SBK3: variants seen among roughly 807,000 people sequenced by gnomAD.
The protein encoded by SBK3 is SH3 domain binding kinase family member 3.
In SBK3, 16 loss-of-function variants were observed where a neutral mutation model predicts 12.7. The ratio of observed to expected loss-of-function variants is 1.26; its 90% CI spans 0.86 to 1.92. SBK3 has a LOEUF of 1.92. Among genes scored for constraint, SBK3 ranks in the 40% most tolerant of loss-of-function variants. The probability of loss-of-function intolerance (pLI) is 0.00; values close to 1 mark genes in which losing one functional copy is unlikely to be tolerated. For missense variants in SBK3, 462 were observed against 481.8 expected, an observed-to-expected ratio of 0.96 and a Z score of 0.38; for synonymous variants, 217 against 213.6, an observed-to-expected ratio of 1.02 and a Z score of -0.14.
rs1988646927 is a variant in SBK3, at chr19:55,545,128, C to G, written c.46-179G>C. 10 of 600,134 alleles carry G rather than the reference C, an allele frequency of 1.7e-5. No homozygotes were observed. The highest frequency in any genetic ancestry group is 2.9e-5 in the Non-Finnish European group (10 of 342,974). 37.2% of individuals were successfully genotyped at this position (600,134 alleles called of 1,614,324 possible). A position where few individuals can be genotyped will look rare whatever the true frequency, so the allele number is the denominator to read the frequency against. ...GGACTCGGGCCACCTGTTTTTGTGT[C>G]CTGGAGAGGTTAGGGGTCACTGCCA... On this transcript the variant is annotated intron_variant, in intron 1 of 3. Coordinates refer to ENST00000612221, the MANE Select transcript of SBK3 (RefSeq NM_001199824.2). The surrounding 1 kb of genome is among the most constrained non-coding windows in gnomAD (Gnocchi z 4.4).
At position 55,545,415 on chromosome 19, in the gene SBK3, C is replaced by T; in HGVS notation, c.45+84G>A. 9.2e-7 allele frequency: 1 copy of T among 1,088,012 alleles called. No homozygotes were observed. Among genetic ancestry groups the T allele is most frequent in the Middle Eastern group, 2.0e-4 (1 of 4,978 alleles). 67.4% of individuals were successfully genotyped at this position (1,088,012 alleles called of 1,614,324 possible). On this transcript the variant is annotated intron_variant, in intron 1 of 3. Transcript: ENST00000612221. The surrounding 1 kb of genome is among the most constrained non-coding windows in gnomAD (Gnocchi z 4.4). ...TTGCGTTTCCCTGTTTTCTGTTTCT[C>T]TTCCTCTCTCTCCCCGTGTTGCCTC... is the stretch of plus-strand genomic sequence containing the variant.
Position 55,544,866 on chromosome 19 carries a change from G to T in SBK3, c.129C>A (p.Tyr43Ter). The part of the protein sequence containing the change: ...VTPVRSLRDQ[Y>*]HLIRKLGSGS... The stretch of plus-strand genomic sequence containing the variant: ...CGGAGCCCAGCTTCCGGATGAGGTG[G>T]TACTGGTCCCGAAGGCTCCTCACCG... The change falls in exon 2 of 4, where the codon TAC becomes TAA. Residue 43 changes from tyrosine to a stop codon, truncating the protein, a stop_gained. Coordinates refer to ENST00000612221, the MANE Select transcript of SBK3 (RefSeq NM_001199824.2). LOFTEE classifies it high-confidence loss of function. 6.5e-7 allele frequency: 1 copy of T among 1,534,302 alleles called. No individual in the cohort carries two copies. The highest frequency in any genetic ancestry group is 1.4e-5 in the African/African-American group (1 of 73,086).
At chr19:55,543,007 CCCGT>C (rs1330459526) in intron 3 of SBK3, among the ~76,000 whole-genome samples, 1 of 118,398 alleles carries the variant, frequency 8.4e-6, no homozygotes, top group Non-Finnish European at 1.8e-5. Flanking sequence ...CACCCACCCA[CCCGT>C]CCACTCAACC....
In SBK3 at chr19:55,544,896, C is replaced by T. The variant is rs936909764; in HGVS notation, c.99G>A (p.Val33=). ...QRLVELTTSR[V]TPVRSLRDQY... is the part of the protein sequence containing the mutation. ...GGTCCCGAAGGCTCCTCACCGGGGT[C>T]ACCCTGCTGGTCGTCAGCTCCACCA... is the stretch of plus-strand genomic sequence containing the variant. The change falls in exon 2 of 4, where the codon GTG becomes GTA. Residue 33 remains valine, a synonymous_variant. Transcript: ENST00000612221. 4.6e-6 allele frequency: 7 copies of T among 1,534,342 alleles called. No homozygotes were observed. The highest frequency in any genetic ancestry group is 2.7e-5 in the African/African-American group (2 of 72,950).
chr19:55,544,743 C>T (rs1399559621), intron 2 of SBK3, 56 bp downstream of exon 2: 22 of 1,435,926 alleles, frequency 1.5e-5, no homozygotes, highest in South Asian at 8.6e-5. Flanking sequence ...GGGTGGCTTC[C>T]GAGAATGCTT....
chr19:55,544,331 T>C, intron 2 of SBK3, 29 bp from the exon 3 acceptor site: 1 of 1,516,028 alleles, frequency 6.6e-7, no homozygotes, highest in Non-Finnish European at 8.8e-7. Context: ...GGAGGGACAC[T>C]CAGGCGGCTC....
Position 55,544,168 on chromosome 19 carries a change from G to C in SBK3, c.331C>G (p.Pro111Ala). 1 of 1,535,588 alleles carries C rather than the reference G, an allele frequency of 6.5e-7. No homozygotes were observed. Among genetic ancestry groups the C allele is most frequent in the Non-Finnish European group, 8.7e-7 (1 of 1,146,676 alleles). Residue 111 changes from proline to alanine, a missense_variant, in exon 3 of 4, where the codon CCC (proline) becomes GCC (alanine). Physicochemically the swap from Pro to Ala is conservative, Grantham distance 27. Coordinates refer to ENST00000612221, the MANE Select transcript of SBK3 (RefSeq NM_001199824.2). ...TCCTGGGCGAAGGCAAAATAGCGGGGGGTCTGTAGGGGTCCTGCCAGGGTC... is the reference window on the plus strand; with the variant it reads ...TCCTGGGCGAAGGCAAAATAGCGGGCGGTCTGTAGGGGTCCTGCCAGGGTC... ...LQTLAGPLQT[P>A]RYFAFAQEYA... is the part of the protein sequence containing the mutation.
At position 55,541,506 on chromosome 19, in the gene SBK3, C is replaced by T; in HGVS notation, c.420G>A (p.Val140=). The T allele has an allele frequency of 6.6e-7, 1 of 1,521,008 alleles. No individual in the cohort carries two copies. Among genetic ancestry groups the T allele is most frequent in the Non-Finnish European group, 8.8e-7 (1 of 1,136,632 alleles). The allele number at this position is 1,521,008 out of a possible 1,614,324, so 94.2% of individuals were successfully genotyped here. The change falls in exon 4 of 4, where the codon GTG becomes GTA. Residue 140 remains valine, a synonymous_variant. Transcript: ENST00000612221. The surrounding 1 kb of genome is among the most constrained non-coding windows in gnomAD (Gnocchi z 5.3). ...LQERGLPELL[V]KRVVAQLAGA... is the part of the protein sequence containing the mutation. ...CTGCCAACTGGGCCACCACCCGCTT[C>T]ACCAGCAGTTCTGGGAGGCCCTGAG...
intron 3 of SBK3, among the ~76,000 whole-genome samples, chr19:55,542,147 C>T (rs182299798): frequency 4.9e-4 from 74 of 152,262 alleles, no homozygotes; most frequent in Middle Eastern, 3.4e-3. Context: ...ATTATCTATC[C>T]GTCTAGCCAG....
chr19:55,543,734 G>A (rs1189375806), intron 3 of SBK3, among the ~76,000 whole-genome samples: 1 of 151,798 alleles, frequency 6.6e-6, no homozygotes, highest in African/African-American at 2.4e-5. Flanking sequence ...TACTCACGAT[G>A]AATCTATAAT....
Position 55,541,675 on chromosome 19 carries a change from A to G in SBK3, c.400-149T>C. 1 of 587,820 alleles carries G rather than the reference A, an allele frequency of 1.7e-6. No individual in the cohort carries two copies. The highest frequency in any genetic ancestry group is 2.9e-6 in the Non-Finnish European group (1 of 347,402). The allele number at this position is 587,820 out of a possible 1,614,324, so 36.4% of individuals were successfully genotyped here. A position where few individuals can be genotyped will look rare whatever the true frequency, so the allele number is the denominator to read the frequency against. ...GATTATAGGCATGAGGCACTGCACC[A>G]GTTGGTTCCTTCTGAATAATTTTTG... On this transcript the variant is annotated intron_variant, in intron 3 of 3. Transcript: ENST00000612221. This position sits in a 1 kb window ranked among gnomAD's most constrained non-coding sequence, Gnocchi z 5.3.
Position 55,545,202 on chromosome 19 carries a change from G to T in SBK3, c.46-253C>A. On this transcript the variant is annotated intron_variant, in intron 1 of 3. Transcript: ENST00000612221. The surrounding 1 kb of genome is among the most constrained non-coding windows in gnomAD (Gnocchi z 4.4). Reference sequence around the variant, plus strand: ...TGTGGGAGCAGGCCAGGAGCCCCCAGCCCCGAGTGGGGGTGCATCCTCAGC... The same window carrying T: ...TGTGGGAGCAGGCCAGGAGCCCCCATCCCCGAGTGGGGGTGCATCCTCAGC... The T allele has an allele frequency of 1.7e-6, 1 of 578,950 alleles. No individual in the cohort carries two copies. Among genetic ancestry groups the T allele is most frequent in the Non-Finnish European group, 3.1e-6 (1 of 327,592 alleles). 35.9% of individuals were successfully genotyped at this position (578,950 alleles called of 1,614,324 possible).
chr19:55,541,186 G>A lies in SBK3; in HGVS notation c.740C>T (p.Ala247Val). The stretch of plus-strand genomic sequence containing the variant: ...GAAGGCCTCGAACTCAGGGTTGGGG[G>A]CCAGTGCCACGTCCCAAGGGAAACA... Reference protein sequence around the residue: ...TACFPWDVALAPNPEFEAFAG... With the variant: ...TACFPWDVALVPNPEFEAFAG... Residue 247 changes from alanine to valine, a missense_variant, in exon 4 of 4, where the codon GCC (alanine) becomes GTC (valine). Physicochemically the swap from Ala to Val is moderately conservative, Grantham distance 64. Coordinates refer to ENST00000612221, the MANE Select transcript of SBK3 (RefSeq NM_001199824.2). This position sits in a 1 kb window ranked among gnomAD's most constrained non-coding sequence, Gnocchi z 5.3. The A allele has an allele frequency of 6.5e-7, 1 of 1,536,016 alleles. No homozygotes were observed. The highest frequency in any genetic ancestry group is 8.7e-7 in the Non-Finnish European group (1 of 1,146,890).
Position 55,541,051 on chromosome 19 carries a change from T to C in SBK3, c.875A>G (p.Glu292Gly). 1 of 1,535,920 alleles carries C rather than the reference T, an allele frequency of 6.5e-7. No homozygotes were observed. The highest frequency in any genetic ancestry group is 1.2e-5 in the South Asian group (1 of 84,048). Residue 292 changes from glutamate (E) to glycine (G), a missense_variant, in exon 4 of 4, where the codon GAG (glutamate) becomes GGG (glycine). Physicochemically the swap from Glu to Gly is moderately conservative, Grantham distance 98. Coordinates refer to ENST00000612221, the MANE Select transcript of SBK3 (RefSeq NM_001199824.2). The surrounding 1 kb of genome is among the most constrained non-coding windows in gnomAD (Gnocchi z 5.3). The part of the protein sequence containing the change: ...LLQGLLDLDP[E>G]TRSPPLAVLD... Reference sequence around the variant, plus strand: ...GACAGCCAGTGGGGGGCTCCTAGTCTCGGGATCCAGGTCCAGAAGCCCCTG... The same window carrying C: ...GACAGCCAGTGGGGGGCTCCTAGTCCCGGGATCCAGGTCCAGAAGCCCCTG...
Position 55,545,238 on chromosome 19 carries a change from C to T in SBK3, c.45+261G>A. 2 of 583,338 alleles carry T rather than the reference C, an allele frequency of 3.4e-6. No homozygotes were observed. Among genetic ancestry groups the T allele is most frequent in the South Asian group, 2.1e-5 (1 of 47,334 alleles). 36.1% of individuals were successfully genotyped at this position (583,338 alleles called of 1,614,324 possible). ...GGGTGCATCCTCAGCCCACACAGTC[C>T]CCCTGCCCACCCTGGTCTCTCTCTC... is the stretch of plus-strand genomic sequence containing the variant. On this transcript the variant is annotated intron_variant, in intron 1 of 3. Transcript: ENST00000612221. This position sits in a 1 kb window ranked among gnomAD's most constrained non-coding sequence, Gnocchi z 4.4.
chr19:55,540,925 G>C lies in SBK3; in HGVS notation c.1001C>G (p.Ser334Ter), dbSNP rs1471616410. Residue 334 changes from serine to a stop codon, truncating the protein, a stop_gained, in exon 4 of 4, where the codon TCA (serine) becomes TGA (stop). Coordinates refer to ENST00000612221, the MANE Select transcript of SBK3 (RefSeq NM_001199824.2). LOFTEE classifies it low-confidence loss of function (END_TRUNC). ...CTCATCTGTCCACTCCTCCAGGCTTGAGCCTCCCTCCTCCCTGTCCTCATA... is the reference window on the plus strand; with the variant it reads ...CTCATCTGTCCACTCCTCCAGGCTTCAGCCTCCCTCCTCCCTGTCCTCATA... The part of the protein sequence containing the change: ...VSYEDREEGG[S>*]SLEEWTDEGD... 6.5e-7 allele frequency: 1 copy of C among 1,536,164 alleles called. No homozygotes were observed. Among genetic ancestry groups the C allele is most frequent in the East Asian group, 2.4e-5 (1 of 40,904 alleles).
chr19:55,540,794 C>T lies in SBK3; in HGVS notation c.*52G>A, dbSNP rs557667968. Reference sequence around the variant, plus strand: ...CTCTCCATCCAGGTGGCCCTGGGGGCTGGGGGAAGGGCCTCTGGCCCAGGC... The same window carrying T: ...CTCTCCATCCAGGTGGCCCTGGGGGTTGGGGGAAGGGCCTCTGGCCCAGGC... On this transcript the variant is annotated 3_prime_UTR_variant, in exon 4 of 4. Transcript: ENST00000612221. 2.0e-6 allele frequency: 3 copies of T among 1,488,226 alleles called. No individual in the cohort carries two copies. The highest frequency in any genetic ancestry group is 1.8e-6 in the Non-Finnish European group (2 of 1,103,302). 92.2% of individuals were successfully genotyped at this position (1,488,226 alleles called of 1,614,324 possible).
chr19:55,543,415 T>C (rs1289314115), intron 3 of SBK3, among the ~76,000 whole-genome samples: 3 of 143,820 alleles, frequency 2.1e-5, no homozygotes, highest in African/African-American at 7.7e-5. Context: ...CACCCATCTG[T>C]CCACTCACCC....
intron 2 of SBK3, 140 bp from the exon 3 acceptor site, chr19:55,544,442 G>T (rs1038455040): frequency 5.5e-6 from 4 of 723,318 alleles, no homozygotes; most frequent in Non-Finnish European, 6.7e-6. Flanking sequence ...GTGGGTGGGA[G>T]GAGACCTTCT....
Sources: allele counts gnomAD v4.1 joint callset (sites outside exome capture counted in the v4.1 genomes callset), GRCh38; gene constraint gnomAD v4.1.1; non-coding constraint Gnocchi (gnomAD v3.1); transcripts MANE v1.5; gene names NCBI Gene and HGNC (gene_info 2026-07-23, HGNC 2026-07-21).